WDPCP: variants seen among roughly 807,000 people sequenced by gnomAD.
The protein encoded by WDPCP is WD repeat containing planar cell polarity effector.
Under a neutral mutation model 93.1 loss-of-function variants are expected in WDPCP, and 71 were observed. The ratio of observed to expected loss-of-function variants is 0.76; its 90% CI spans 0.63 to 0.93. The LOEUF (loss-of-function observed/expected upper bound fraction) is 0.93, where lower values mean the gene tolerates loss of function less well. Among genes scored for constraint, WDPCP ranks in the 40% least tolerant of loss-of-function variants. The pLI, the probability that WDPCP is intolerant of heterozygous loss-of-function variation, is 0.00. For missense variants in WDPCP, 844 were observed against 887.4 expected, an observed-to-expected ratio of 0.95 and a Z score of 0.62; for synonymous variants, 315 against 315.0, an observed-to-expected ratio of 1.00 and a Z score of 0.00.
intron 12 of WDPCP, among the ~76,000 whole-genome samples, chr2:63,372,631 CTT>C (rs1691492013): frequency 6.6e-6 from 1 of 152,132 alleles, no homozygotes; most frequent in Admixed American, 6.6e-5. Context: ...TTTCCTGACA[CTT>C]TGTTTGCTTA....
chr2:63,649,738 T>G (rs112194), intron 3 of WDPCP, among the ~76,000 whole-genome samples: 120,523 of 152,114 alleles, frequency 0.79, 48,222 homozygotes, highest in East Asian at 0.98. Flanking sequence ...AATGGAAAAA[T>G]TTAATTTGGT....
intron 9 of WDPCP, among the ~76,000 whole-genome samples, chr2:63,422,116 G>A (rs569586641): frequency 2.2e-4 from 33 of 152,242 alleles, no homozygotes; most frequent in South Asian, 1.2e-3. Flanking sequence ...TGACTCAGGC[G>A]TAAAATACCA....
chr2:63,687,200 A>G (rs1317790629), intron 2 of WDPCP, among the ~76,000 whole-genome samples: 1 of 152,216 alleles, frequency 6.6e-6, no homozygotes, highest in Non-Finnish European at 1.5e-5. Flanking sequence ...GCTTGACGTA[A>G]ATATAAGACC....
intron 2 of WDPCP, among the ~76,000 whole-genome samples, chr2:63,755,267 C>G (rs1298189905): frequency 2.0e-5 from 3 of 152,178 alleles, no homozygotes; most frequent in Non-Finnish European, 4.4e-5. Flanking sequence ...GAATCACTGA[C>G]AGCCATCTCA....
chr2:63,419,014 A>C (rs1695641142), intron 9 of WDPCP, among the ~76,000 whole-genome samples: 1 of 152,234 alleles, frequency 6.6e-6, no homozygotes, highest in Non-Finnish European at 1.5e-5. Flanking sequence ...GTGGTAAAGA[A>C]AGAAATGGTG....
chr2:63,202,118 T>C (rs1470854582), intron 14 of WDPCP, among the ~76,000 whole-genome samples: 1 of 151,966 alleles, frequency 6.6e-6, no homozygotes, highest in Non-Finnish European at 1.5e-5. Flanking sequence ...TTTTTATTGA[T>C]ATAAACATTA....
chr2:63,817,942 AGT>A (rs745698898), intron 1 of WDPCP, among the ~76,000 whole-genome samples: 27 of 152,306 alleles, frequency 1.8e-4, no homozygotes, highest in Admixed American at 5.9e-4. Flanking sequence ...TACAATTCTT[AGT>A]TATTCCATTT....
intron 14 of WDPCP, among the ~76,000 whole-genome samples, chr2:63,181,175 G>A (rs189114629): frequency 2.0e-5 from 3 of 151,800 alleles, no homozygotes; most frequent in Admixed American, 6.6e-5. Context: ...ATTTCTTTTC[G>A]CTTTGCAGAA....
chr2:63,811,658 T>C (rs1168790947), intron 2 of WDPCP, among the ~76,000 whole-genome samples: 2 of 151,610 alleles, frequency 1.3e-5, no homozygotes. Flanking sequence ...GTATGTTACC[T>C]GGGTATATTG....
intron 15 of WDPCP, among the ~76,000 whole-genome samples, chr2:63,173,967 G>T (rs1211426367): frequency 1.3e-5 from 2 of 152,134 alleles, no homozygotes; most frequent in African/African-American, 4.8e-5. Flanking sequence ...CTATTTTTAT[G>T]AAGTTTTATT....
chr2:63,349,714 G>A (rs894261475), intron 12 of WDPCP, among the ~76,000 whole-genome samples: 2 of 152,100 alleles, frequency 1.3e-5, no homozygotes, highest in African/African-American at 2.4e-5. Flanking sequence ...TTTGGCTTAG[G>A]AACAGTCTTA....
chr2:63,326,445 G>A (rs868301238), intron 12 of WDPCP, among the ~76,000 whole-genome samples: 3 of 152,220 alleles, frequency 2.0e-5, no homozygotes, highest in African/African-American at 4.8e-5. Context: ...AGGGACCAGC[G>A]CCCAGTTAGC....
upstream of WDPCP, among the ~76,000 whole-genome samples, chr2:63,828,319 C>T (rs1054171030): frequency 3.9e-5 from 6 of 152,140 alleles, no homozygotes; most frequent in Admixed American, 3.9e-4. Flanking sequence ...CAAACCTCTG[C>T]TCCAACTATT....
chr2:63,151,521 ATGT>A (rs970630224), intron 17 of WDPCP, among the ~76,000 whole-genome samples: 5 of 152,266 alleles, frequency 3.3e-5, no homozygotes, highest in African/African-American at 7.2e-5. Flanking sequence ...CCTGGCCAGG[ATGT>A]TGTTGTTGTT....
At chr2:63,328,358 A>T (rs1276536754) in intron 12 of WDPCP, among the ~76,000 whole-genome samples, 1 of 152,158 alleles carries the variant, frequency 6.6e-6, no homozygotes, top group African/African-American at 2.4e-5. Flanking sequence ...TAAATCTTGC[A>T]GCTGCTCACT....
At chr2:63,340,188 C>A (rs1276012233) in intron 12 of WDPCP, among the ~76,000 whole-genome samples, 1 of 152,126 alleles carries the variant, frequency 6.6e-6, no homozygotes, top group Admixed American at 6.5e-5. Context: ...GTCACTGCCT[C>A]CTTTTTGGCT....
intron 2 of WDPCP, among the ~76,000 whole-genome samples, chr2:63,726,355 TGTAA>T (rs150714493): frequency 0.046 from 7,051 of 152,208 alleles, 183 homozygotes; most frequent in African/African-American, 0.061. Context: ...ATTAGACAGT[TGTAA>T]GTGTGTGGCT....
chr2:63,222,153 C>A lies in WDPCP; in HGVS notation c.1915+37154G>T, dbSNP rs947633037. Reference sequence around the variant, plus strand: ...AAAGAGAGAAAGCAGTTTCATCTCTCTATATATATGTTTACTCCTAATATT... The same window carrying A: ...AAAGAGAGAAAGCAGTTTCATCTCTATATATATATGTTTACTCCTAATATT... On this transcript the variant is annotated intron_variant, in intron 14 of 17. Coordinates refer to ENST00000272321, the MANE Select transcript of WDPCP (RefSeq NM_015910.7). Among the ~76,000 whole-genome samples the A allele has an allele frequency of 2.0e-5, 3 of 152,162 alleles. No individual in the cohort carries two copies. In the East Asian group the frequency reaches 5.8e-4, roughly 29 times the overall value.
intron 14 of WDPCP, among the ~76,000 whole-genome samples, chr2:63,247,986 T>C (rs80005366): frequency 6.6e-6 from 1 of 152,162 alleles, no homozygotes; most frequent in Admixed American, 6.6e-5. Context: ...GTTACAACAA[T>C]CTAATTTAAA....
Sources: allele counts gnomAD v4.1 joint callset (sites outside exome capture counted in the v4.1 genomes callset), GRCh38; gene constraint gnomAD v4.1.1; transcripts MANE v1.5; gene names NCBI Gene and HGNC (gene_info 2026-07-23, HGNC 2026-07-21).